Variants in ACOT12 observed in about 807,000 individuals in gnomAD.
ACOT12 encodes the protein acetyl-coenzyme A thioesterase.
Under a neutral mutation model 67.7 loss-of-function variants are expected in ACOT12, and 51 were observed. The ratio of observed to expected loss-of-function variants is 0.75; its 90% CI spans 0.60 to 0.95. The LOEUF is 0.95. Ranked by LOEUF, ACOT12 falls within the 40% of genes least tolerant of loss-of-function variation. The probability of loss-of-function intolerance (pLI) is 0.00; values close to 1 mark genes in which losing one functional copy is unlikely to be tolerated. For synonymous variants in ACOT12, 251 were observed against 244.6 expected (o/e 1.03, Z -0.24); for missense variants, 734 against 708.1 (o/e 1.04, Z -0.41).
In ACOT12 at chr5:81,342,750, G is replaced by C; in HGVS notation, c.1050C>G (p.Ser350=). The part of the protein sequence containing the change: ...CIHWDISKQA[S]LSDSNVEALK... ...GGGCCTCCACATTGCTGTCACTCAG[G>C]GATGCCTAGAATAGAAATATTATAT... Residue 350 remains serine (S), a synonymous_variant, in exon 11 of 15, where the codon TCC becomes TCG. Transcript: ENST00000307624. 4 of 1,613,896 alleles carry C rather than the reference G, an allele frequency of 2.5e-6. No individual in the cohort carries two copies. Among genetic ancestry groups the C allele is most frequent in the African/African-American group, 1.3e-5 (1 of 75,014 alleles).
At position 81,347,875 on chromosome 5, in the gene ACOT12, C is replaced by T; in HGVS notation, c.552G>A (p.Gln184=). 1 of 1,614,150 alleles carries T rather than the reference C, an allele frequency of 6.2e-7. No individual in the cohort carries two copies. The highest frequency in any genetic ancestry group is 8.5e-7 in the Non-Finnish European group (1 of 1,180,022). Residue 184 remains glutamine (Q), a synonymous_variant, in exon 6 of 15, where the codon CAG becomes CAA. Coordinates refer to ENST00000307624, the MANE Select transcript of ACOT12 (RefSeq NM_130767.3). ...GAVSTRGTSV[Q]SIELVLPPHA... ...GGGGTGGGAGGACCAGTTCAATGCT[C>T]TGAACGGAGGTGCCCCTTGTGGAAA...
chr5:81,329,941 C>T (rs920184250), downstream of ACOT12: 2 of 153,260 alleles, frequency 1.3e-5, no homozygotes, highest in Non-Finnish European at 2.9e-5. Context: ...ATGCTCCTGA[C>T]ATATAGACAC....
intron 2 of ACOT12, among the ~76,000 whole-genome samples, chr5:81,375,534 G>C (rs112888792): frequency 6.6e-6 from 1 of 151,966 alleles, no homozygotes; most frequent in Admixed American, 6.6e-5. Flanking sequence ...CCAATTAAAA[G>C]ACAGACTGGC....
chr5:81,334,177 A>C (rs544087708), intron 12 of ACOT12, among the ~76,000 whole-genome samples: 2 of 152,176 alleles, frequency 1.3e-5, no homozygotes, highest in Non-Finnish European at 2.9e-5. Context: ...CCTTGCACCC[A>C]TCCTCCAAGG....
intron 5 of ACOT12, among the ~76,000 whole-genome samples, chr5:81,354,277 C>T (rs923507686): frequency 6.6e-6 from 1 of 152,012 alleles, no homozygotes; most frequent in African/African-American, 2.4e-5. Flanking sequence ...CTTTGTAACA[C>T]ACTGAAACTC....
In ACOT12 at chr5:81,364,680, G is replaced by C. The variant is rs530870736; in HGVS notation, c.259-791C>G. Among the ~76,000 whole-genome samples the C allele has an allele frequency of 2.0e-5, 3 of 152,184 alleles. No individual in the cohort carries two copies. In the East Asian group the frequency reaches 5.8e-4, roughly 29 times the overall value. On this transcript the variant is annotated intron_variant, in intron 3 of 14. Transcript: ENST00000307624. Reference sequence around the variant, plus strand: ...ATGACCTCATGATCCACCCACTTCGGCCTCCCAAAGTGCTGGGATTACAGG... The same window carrying C: ...ATGACCTCATGATCCACCCACTTCGCCCTCCCAAAGTGCTGGGATTACAGG...
downstream of ACOT12, among the ~76,000 whole-genome samples, chr5:81,328,572 T>C (rs1758729969): frequency 6.6e-6 from 1 of 152,228 alleles, no homozygotes; most frequent in Non-Finnish European, 1.5e-5. Flanking sequence ...AGAGCCTAAA[T>C]GCATTGCTAT....
intron 11 of ACOT12, among the ~76,000 whole-genome samples, chr5:81,336,307 C>T (rs1759001403): frequency 6.6e-6 from 1 of 152,150 alleles, no homozygotes; most frequent in African/African-American, 2.4e-5. Context: ...AGAGTCAAGG[C>T]TATAGCTTAG....
chr5:81,346,199 CT>C (rs1759376333), intron 6 of ACOT12, among the ~76,000 whole-genome samples, 195 bp from the exon 7 acceptor site: 5 of 152,230 alleles, frequency 3.3e-5, no homozygotes, highest in Admixed American at 3.3e-4. Context: ...GCAGTGGGGT[CT>C]TTACCCAGAT....
chr5:81,352,957 C>T (rs1470400977), intron 5 of ACOT12, among the ~76,000 whole-genome samples: 3 of 152,054 alleles, frequency 2.0e-5, no homozygotes, highest in African/African-American at 7.2e-5. Context: ...AACTATATGC[C>T]TTTTTATGCG....
At chr5:81,378,899 A>C (rs1760497078) in intron 2 of ACOT12, among the ~76,000 whole-genome samples, 1 of 152,226 alleles carries the variant, frequency 6.6e-6, no homozygotes, top group South Asian at 2.1e-4. Context: ...AAATTAGTTC[A>C]ACCATTGTGG....
chr5:81,338,546 G>A (rs188827790), intron 11 of ACOT12, among the ~76,000 whole-genome samples: 155 of 152,282 alleles, frequency 1.0e-3, no homozygotes, highest in African/African-American at 3.6e-3. Context: ...TGCAGCCTAT[G>A]GAACCCTGAA....
chr5:81,328,856 GT>G (rs1758737723), downstream of ACOT12, among the ~76,000 whole-genome samples: 2 of 152,156 alleles, frequency 1.3e-5, no homozygotes, highest in Admixed American at 1.3e-4. Context: ...AGAATCTTCT[GT>G]GATCATGGAA....
Sources: gnomAD v4.1 joint callset for allele counts (sites outside exome capture counted in the v4.1 genomes callset) on GRCh38, gnomAD v4.1.1 for gene constraint, MANE v1.5 for transcripts, NCBI Gene and HGNC (gene_info 2026-07-23, HGNC 2026-07-21) for gene names.